Variants in EMILIN2 observed in about 807,000 individuals in gnomAD.
EMILIN2 encodes the protein EMILIN-2.
EMILIN2 carries 71 observed loss-of-function variants against 87.1 expected under a neutral mutation model. That is an observed-to-expected ratio of 0.82 (90% confidence interval 0.67 to 0.99). EMILIN2 has a LOEUF of 0.99. Ranked by LOEUF, EMILIN2 falls within the 50% of genes least tolerant of loss-of-function variation. The pLI is 0.00. For missense variants in EMILIN2, 1,407 were observed against 1,371.8 expected (o/e 1.03, Z -0.40); for synonymous variants, 581 against 563.4 (o/e 1.03, Z -0.44).
chr18:2,875,733 G>T (rs2076744309), intron 2 of EMILIN2, among the ~76,000 whole-genome samples: 1 of 152,210 alleles, frequency 6.6e-6, no homozygotes, highest in African/African-American at 2.4e-5. Context: ...AGCCATGTGA[G>T]TTTGCTCAGA....
At chr18:2,859,923 G>A (rs2076651969) in intron 2 of EMILIN2, among the ~76,000 whole-genome samples, 1 of 152,214 alleles carries the variant, frequency 6.6e-6, no homozygotes, top group African/African-American at 2.4e-5. Context: ...TGTTCCATTG[G>A]TCTATGTGCC....
intron 2 of EMILIN2, among the ~76,000 whole-genome samples, chr18:2,864,187 G>A (rs912782914): frequency 1.3e-5 from 2 of 152,156 alleles, no homozygotes; most frequent in Admixed American, 1.3e-4. Context: ...TTGCCAGTCT[G>A]TGTCTTTTAA....
At chr18:2,858,561 A>ATG (rs2076641776) in intron 2 of EMILIN2, among the ~76,000 whole-genome samples, 1 of 67,412 alleles carries the variant, frequency 1.5e-5, no homozygotes, top group Non-Finnish European at 2.3e-5. Context: ...ATATATATAT[A>ATG]TATATATATG....
chr18:2,876,968 C>T (rs1049229111), intron 2 of EMILIN2, among the ~76,000 whole-genome samples: 23 of 152,148 alleles, frequency 1.5e-4, no homozygotes, highest in African/African-American at 5.6e-4. Flanking sequence ...ATTAATTTCT[C>T]CATGTAGAGA....
At position 2,908,941 on chromosome 18, in the gene EMILIN2, A is replaced by G; in HGVS notation, c.2663-2A>G. 6.2e-7 allele frequency: 1 copy of G among 1,613,692 alleles called. No homozygotes were observed. The highest frequency in any genetic ancestry group is 8.5e-7 in the Non-Finnish European group (1 of 1,180,022). On this transcript the variant is annotated splice_acceptor_variant, in intron 5 of 7. Transcript: ENST00000254528. LOFTEE classifies it high-confidence loss of function. ...ACATGCCATTTCCTTTCTGTTTTTC[A>G]GGATACCCGAAGTCACCTCCTGTAG...
At chr18:2,901,526 C>T (rs1007486775) in intron 4 of EMILIN2, among the ~76,000 whole-genome samples, 6 of 152,330 alleles carry the variant, frequency 3.9e-5, no homozygotes, top group Admixed American at 1.3e-4. Context: ...CCTTTAATCC[C>T]TACACGTCAG....
intron 7 of EMILIN2, among the ~76,000 whole-genome samples, chr18:2,911,780 C>CT (rs1457671519): frequency 3.3e-5 from 5 of 152,194 alleles, no homozygotes; most frequent in Non-Finnish European, 7.3e-5. Context: ...AGAGCTATCT[C>CT]TTGTCTTGCA....
chr18:2,851,698 T>G (rs1056300463), intron 2 of EMILIN2, among the ~76,000 whole-genome samples: 5 of 152,206 alleles, frequency 3.3e-5, no homozygotes, highest in Non-Finnish European at 7.3e-5. Flanking sequence ...AAGCCTTAGA[T>G]TCCAGATTGT....
chr18:2,874,841 T>G (rs1447447504), intron 2 of EMILIN2, among the ~76,000 whole-genome samples: 3 of 152,240 alleles, frequency 2.0e-5, no homozygotes, highest in African/African-American at 7.2e-5. Context: ...AAACTCTTAA[T>G]GTCTCCAGAT....
intron 3 of EMILIN2, among the ~76,000 whole-genome samples, chr18:2,889,141 T>TC (rs2076819593): frequency 2.2e-5 from 3 of 133,504 alleles, no homozygotes; most frequent in African/African-American, 3.1e-5. Context: ...TTCTTTTTTT[T>TC]TTTTTTTTTT....
intron 3 of EMILIN2, among the ~76,000 whole-genome samples, chr18:2,888,802 G>T (rs2076816288): frequency 6.6e-6 from 1 of 151,628 alleles, no homozygotes; most frequent in African/African-American, 2.4e-5. Flanking sequence ...CAAAAAGAAT[G>T]ATTCTTGGGG....
rs1041287932 is a variant in EMILIN2 at position 2,847,380 on chromosome 18, G to A, written c.134+58G>A. The A allele has an allele frequency of 1.4e-5, 17 of 1,253,026 alleles. No individual in the cohort carries two copies. The highest frequency in any genetic ancestry group is 1.6e-5 in the African/African-American group (1 of 63,186). 77.6% of individuals were successfully genotyped at this position (1,253,026 alleles called of 1,614,324 possible). ...GCCTACCCCTCCCCGGCCCCCAGTT[G>A]AGCCCCAGAGCTGCCCTGCCAAAGA... On this transcript the variant is annotated intron_variant, in intron 1 of 7. Transcript: ENST00000254528. This position sits in a 1 kb window ranked among gnomAD's most constrained non-coding sequence, Gnocchi z 4.5.
intron 3 of EMILIN2, among the ~76,000 whole-genome samples, chr18:2,888,602 C>G (rs1195592300): frequency 6.6e-6 from 1 of 151,556 alleles, no homozygotes; most frequent in Non-Finnish European, 1.5e-5. Context: ...GTAGTCCCAG[C>G]TACTCGGGAG....
rs1282852693 is a variant in EMILIN2, at chr18:2,890,851, G to C, written c.724G>C (p.Asp242His). 1.2e-6 allele frequency: 2 copies of C among 1,613,918 alleles called. No individual in the cohort carries two copies. The highest frequency in any genetic ancestry group is 2.2e-5 in the South Asian group (2 of 91,066). ...HPKPDTTVSG[D>H]TETGQSPGVF... ...CAAGCCTGACACCACTGTTAGTGGA[G>C]ACACAGAAACGGGCCAGAGTCCTGG... Residue 242 changes from aspartate to histidine, a missense_variant, in exon 4 of 8, where the codon GAC becomes CAC. Physicochemically the swap from Asp to His is moderately conservative, Grantham distance 81 (BLOSUM62 -1). Transcript: ENST00000254528. The surrounding 1 kb of genome is among the most constrained non-coding windows in gnomAD (Gnocchi z 4.7).
chr18:2,863,375 C>G (rs1275769589), intron 2 of EMILIN2, among the ~76,000 whole-genome samples: 2 of 152,120 alleles, frequency 1.3e-5, no homozygotes, highest in Admixed American at 1.3e-4. Context: ...AAATTTCCCT[C>G]TACACACTGC....
At chr18:2,863,013 A>G (rs777098718) in intron 2 of EMILIN2, among the ~76,000 whole-genome samples, 2 of 152,054 alleles carry the variant, frequency 1.3e-5, no homozygotes, top group Non-Finnish European at 2.9e-5. Flanking sequence ...TTGCGTAGAG[A>G]TGTTTATAGT....
intron 4 of EMILIN2, chr18:2,906,211 AG>A (rs2076911286): frequency 6.6e-6 from 1 of 152,214 alleles, no homozygotes; most frequent in Non-Finnish European, 1.5e-5. Flanking sequence ...CCTTCCCCAG[AG>A]GGCCGGGAGA....
chr18:2,864,896 C>G (rs1446517784), intron 2 of EMILIN2, among the ~76,000 whole-genome samples: 50 of 152,322 alleles, frequency 3.3e-4, no homozygotes, highest in African/African-American at 1.1e-3. Context: ...TCCCATATTT[C>G]TTGGAGGCTT....
chr18:2,903,828 C>T (rs1163637503), intron 4 of EMILIN2, among the ~76,000 whole-genome samples: 1 of 152,074 alleles, frequency 6.6e-6, no homozygotes, highest in East Asian at 1.9e-4. Flanking sequence ...TCTGATCTAA[C>T]CTGGACTGGT....
Sources: allele counts gnomAD v4.1 joint callset (sites outside exome capture counted in the v4.1 genomes callset), GRCh38; gene constraint gnomAD v4.1.1; non-coding constraint Gnocchi (gnomAD v3.1); transcripts MANE v1.5; gene names NCBI Gene and HGNC (gene_info 2026-07-23, HGNC 2026-07-21).